Variants in KCNH1 observed in about 807,000 individuals in gnomAD.
KCNH1 encodes voltage-gated delayed rectifier potassium channel KCNH1.
In KCNH1, 27 loss-of-function variants were observed where a neutral mutation model predicts 69.2. The observed-to-expected ratio is 0.39, with a 90% confidence interval of 0.29 to 0.54. KCNH1 has a LOEUF of 0.54. KCNH1 is among the 20% of genes least tolerant of loss of function. KCNH1 has a pLI of 0.68. For missense variants in KCNH1, 798 were observed against 1,261.6 expected, an observed-to-expected ratio of 0.63 and a Z score of 5.57; for synonymous variants, 456 against 487.7, an observed-to-expected ratio of 0.93 and a Z score of 0.86.
chr1:211,079,460 C>A (rs1339858256), intron 5 of KCNH1, among the ~76,000 whole-genome samples: 1 of 152,192 alleles, frequency 6.6e-6, no homozygotes, highest in Non-Finnish European at 1.5e-5. Flanking sequence ...CTCCCTAACT[C>A]ATTTTACGAG....
chr1:211,087,073 G>A (rs1571635969), intron 4 of KCNH1, among the ~76,000 whole-genome samples: 1 of 152,112 alleles, frequency 6.6e-6, no homozygotes, highest in Non-Finnish European at 1.5e-5. Context: ...AACATTGAAG[G>A]GGGTGTGGGG....
At chr1:210,811,625 C>A (rs1337685308) in intron 7 of KCNH1, among the ~76,000 whole-genome samples, 2 of 152,120 alleles carry the variant, frequency 1.3e-5, no homozygotes, top group African/African-American at 4.8e-5. Flanking sequence ...TTCAGCCAGC[C>A]ATTACAGCAA....
chr1:211,118,436 T>G (rs1353838054), intron 1 of KCNH1, among the ~76,000 whole-genome samples: 2 of 152,188 alleles, frequency 1.3e-5, no homozygotes, highest in Non-Finnish European at 2.9e-5. Flanking sequence ...AAAGTTCCCC[T>G]GCGTCCCAAG....
At chr1:211,036,323 G>T (rs560708925) in intron 5 of KCNH1, among the ~76,000 whole-genome samples, 2 of 152,138 alleles carry the variant, frequency 1.3e-5, no homozygotes, top group Non-Finnish European at 2.9e-5. Context: ...TATCTGGGAG[G>T]CCTGATGGTT....
At chr1:210,760,826 C>A (rs920956144) in intron 10 of KCNH1, among the ~76,000 whole-genome samples, 25 of 152,138 alleles carry the variant, frequency 1.6e-4, no homozygotes, top group Admixed American at 3.3e-4. Flanking sequence ...GAAAGACCTG[C>A]CCCTATGATT....
chr1:210,815,932 C>A lies in KCNH1; in HGVS notation c.1463-11766G>T, dbSNP rs868020340. 4.6e-5 allele frequency among the ~76,000 whole-genome samples: 7 copies of A among 152,334 alleles called. 1 individual carries two copies. The highest frequency in any genetic ancestry group is 3.4e-3 in the Middle Eastern group (1 of 294). ...CCTGCCTTTTTAAAGTGTCTGATTTCTGTTCCAAAAGCAAAGTGGTATATT... is the reference window on the plus strand; with the variant it reads ...CCTGCCTTTTTAAAGTGTCTGATTTATGTTCCAAAAGCAAAGTGGTATATT... On this transcript the variant is annotated intron_variant, in intron 7 of 10. Coordinates refer to ENST00000271751, the MANE Select transcript of KCNH1 (RefSeq NM_172362.3).
At chr1:210,941,603 G>T (rs1052478647) in intron 6 of KCNH1, among the ~76,000 whole-genome samples, 15 of 152,138 alleles carry the variant, frequency 9.9e-5, no homozygotes, top group African/African-American at 2.9e-4. Context: ...GCTCTGCGAG[G>T]CAGAGCACCC....
intron 1 of KCNH1, 24 bp from the exon 2 acceptor site, chr1:211,107,401 A>G: frequency 1.9e-6 from 3 of 1,600,320 alleles, no homozygotes; most frequent in Non-Finnish European, 2.6e-6. Flanking sequence ...AAAAAAGGGA[A>G]AAAAGGGCAC....
At chr1:210,774,441 G>C (rs927588801) in intron 10 of KCNH1, among the ~76,000 whole-genome samples, 2 of 152,112 alleles carry the variant, frequency 1.3e-5, no homozygotes, top group African/African-American at 2.4e-5. Context: ...CCTCAGAGAG[G>C]GGGAAGCAGC....
intron 7 of KCNH1, among the ~76,000 whole-genome samples, chr1:210,906,131 G>C (rs1687097617): frequency 6.6e-6 from 1 of 152,184 alleles, no homozygotes; most frequent in Non-Finnish European, 1.5e-5. Flanking sequence ...ATTTTCAGCA[G>C]GGCTGGCTGT....
chr1:210,765,382 C>A lies in KCNH1; in HGVS notation c.2112+9966G>T, dbSNP rs563917967. 9.2e-5 allele frequency among the ~76,000 whole-genome samples: 14 copies of A among 152,242 alleles called. No individual in the cohort carries two copies. The East Asian group carries it at 2.7e-3, about 29-fold the overall frequency. ...CCCATGTAACAAACCTGCACACATA[C>A]CCCCAGAATCTAAAATTTAATAAAA... is the stretch of plus-strand genomic sequence containing the variant. On this transcript the variant is annotated intron_variant, in intron 10 of 10. Coordinates refer to ENST00000271751, the MANE Select transcript of KCNH1 (RefSeq NM_172362.3).
At chr1:210,970,811 C>T (rs948412801) in intron 6 of KCNH1, among the ~76,000 whole-genome samples, 1 of 152,112 alleles carries the variant, frequency 6.6e-6, no homozygotes, top group Non-Finnish European at 1.5e-5. Flanking sequence ...AACTAAAGAG[C>T]TCCTGCACAG....
chr1:211,071,485 GAAC>G (rs1423433003), intron 5 of KCNH1, among the ~76,000 whole-genome samples: 3 of 152,200 alleles, frequency 2.0e-5, no homozygotes, highest in African/African-American at 7.2e-5. Flanking sequence ...TTCACAGCAA[GAAC>G]AACAGGAAGT....
chr1:210,915,745 T>C (rs1687322039), intron 7 of KCNH1, among the ~76,000 whole-genome samples: 1 of 152,180 alleles, frequency 6.6e-6, no homozygotes, highest in Non-Finnish European at 1.5e-5. Flanking sequence ...TATGCTAGCT[T>C]GAAAATATTT....
chr1:210,805,532 C>A (rs953510604), intron 7 of KCNH1, among the ~76,000 whole-genome samples: 1 of 152,070 alleles, frequency 6.6e-6, no homozygotes, highest in Non-Finnish European at 1.5e-5. Context: ...GATTAACCTT[C>A]ATTTTCTAGA....
intron 6 of KCNH1, among the ~76,000 whole-genome samples, chr1:210,958,368 A>G (rs959123469): frequency 2.0e-5 from 3 of 152,098 alleles, no homozygotes; most frequent in African/African-American, 7.2e-5. Context: ...AACGTTGGTG[A>G]ATCTGACAAT....
intron 6 of KCNH1, among the ~76,000 whole-genome samples, chr1:210,997,959 T>C (rs1313294259): frequency 6.6e-6 from 1 of 152,068 alleles, no homozygotes; most frequent in Non-Finnish European, 1.5e-5. Context: ...GACAAGCAAA[T>C]GCTGAGAGAT....
intron 6 of KCNH1, among the ~76,000 whole-genome samples, chr1:211,010,716 T>C (rs1366028255): frequency 6.6e-6 from 1 of 152,194 alleles, no homozygotes; most frequent in Non-Finnish European, 1.5e-5. Context: ...CCTCACATTC[T>C]CTGCCAAGGT....
chr1:211,011,024 G>C (rs2102407832), intron 6 of KCNH1, among the ~76,000 whole-genome samples: 1 of 152,092 alleles, frequency 6.6e-6, no homozygotes, highest in African/African-American at 2.4e-5. Context: ...TACACATGCA[G>C]AACATGCAGG....
Sources: allele counts gnomAD v4.1 joint callset (sites outside exome capture counted in the v4.1 genomes callset), GRCh38; gene constraint gnomAD v4.1.1; transcripts MANE v1.5; gene names NCBI Gene and HGNC (gene_info 2026-07-23, HGNC 2026-07-21).